Variants in KCNB2 observed in about 807,000 individuals in gnomAD.
KCNB2 encodes potassium voltage-gated channel subfamily B member 2.
Under a neutral mutation model 61.5 loss-of-function variants are expected in KCNB2, and 15 were observed. The observed-to-expected ratio is 0.24, with a 90% CI of 0.16 to 0.38. KCNB2 has a LOEUF of 0.38. Ranked by LOEUF, KCNB2 falls within the 10% of genes least tolerant of loss-of-function variation. The probability of loss-of-function intolerance (pLI) is 1.00; values close to 1 mark genes in which losing one functional copy is unlikely to be tolerated. For synonymous variants in KCNB2, 457 were observed against 446.0 expected (o/e 1.02, Z -0.31); for missense variants, 828 against 1,125.2 (o/e 0.74, Z 3.78).
At position 72,724,320 on chromosome 8, in the gene KCNB2, C is replaced by G. The variant is rs139838213; in HGVS notation, c.579+156007C>G. ...TTCAATGCCAGTTGTACAGCTATTC[C>G]TCCATTTAATGTGTGTCTTGGCTTA... is the stretch of plus-strand genomic sequence containing the variant. On this transcript the variant is annotated intron_variant, in intron 2 of 2. Coordinates refer to ENST00000523207, the MANE Select transcript of KCNB2 (RefSeq NM_004770.3). 4.8e-3 allele frequency among the ~76,000 whole-genome samples: 727 copies of G among 152,226 alleles called. 4 individuals carry two copies. The highest frequency in any genetic ancestry group is 0.017 in the African/African-American group (699 of 41,524).
intron 1 of KCNB2, among the ~76,000 whole-genome samples, chr8:72,550,967 G>A (rs1410249472): frequency 1.3e-5 from 2 of 152,124 alleles, no homozygotes; most frequent in Non-Finnish European, 2.9e-5. Flanking sequence ...TGCTGCTGGA[G>A]GGGACATAGA....
intron 1 of KCNB2, among the ~76,000 whole-genome samples, chr8:72,559,123 ATTTTG>A (rs1160075023): frequency 6.7e-6 from 1 of 150,104 alleles, no homozygotes; most frequent in Admixed American, 6.6e-5. Context: ...TCTTTATTTT[ATTTTG>A]TTTTATTTTA....
In KCNB2 at chr8:72,650,543, C is replaced by T. The variant is rs1008577753; in HGVS notation, c.579+82230C>T. ...AGAAGTTAAGTAACTTCCTCAAGAT[C>T]GTGTTCACAGCATTTATCAGAGCTA... is the stretch of plus-strand genomic sequence containing the variant. On this transcript the variant is annotated intron_variant, in intron 2 of 2. Transcript: ENST00000523207. 2.6e-5 allele frequency among the ~76,000 whole-genome samples: 4 copies of T among 152,140 alleles called. No homozygotes were observed. The East Asian group carries it at 5.8e-4, about 22-fold the overall frequency.
intron 1 of KCNB2, among the ~76,000 whole-genome samples, chr8:72,551,020 A>G (rs192033517): frequency 7.3e-4 from 111 of 152,254 alleles, no homozygotes; most frequent in African/African-American, 2.5e-3. Context: ...AGGGGCCTAC[A>G]CAGTTAAGAC....
At chr8:72,670,895 A>G (rs1806553096) in intron 2 of KCNB2, among the ~76,000 whole-genome samples, 1 of 152,142 alleles carries the variant, frequency 6.6e-6, no homozygotes, top group African/African-American at 2.4e-5. Flanking sequence ...AACAGCTGAG[A>G]TGTGTTACCT....
intron 2 of KCNB2, among the ~76,000 whole-genome samples, chr8:72,643,271 C>T (rs1281187125): frequency 6.6e-6 from 1 of 152,076 alleles, no homozygotes. Context: ...TGTGCCAGGC[C>T]CTGTGCTAGA....
intron 2 of KCNB2, among the ~76,000 whole-genome samples, chr8:72,764,166 T>C (rs1243581673): frequency 5.3e-5 from 8 of 152,138 alleles, no homozygotes; most frequent in Admixed American, 5.2e-4. Context: ...CGCAGTGCCC[T>C]GAGAGTTGGC....
At chr8:72,619,436 C>T in intron 2 of KCNB2, 1 of 328,420 alleles carries the variant, frequency 3.0e-6, no homozygotes, top group Non-Finnish European at 6.0e-6. Context: ...TTGTTGCATT[C>T]TAAAAGGTGG....
At chr8:72,662,990 G>GT (rs752319283) in intron 2 of KCNB2, among the ~76,000 whole-genome samples, 7 of 152,160 alleles carry the variant, frequency 4.6e-5, no homozygotes, top group Non-Finnish European at 8.8e-5. Context: ...AGTGGCAGGA[G>GT]TGCTGGGCCA....
Position 72,551,531 on chromosome 8 carries a change from C to G in KCNB2, c.-94+13646C>G, listed in dbSNP as rs140319181. Among the ~76,000 whole-genome samples, 118 of 152,180 alleles carry G rather than the reference C, an allele frequency of 7.8e-4. 1 individual carries two copies. The East Asian group carries it at 0.011, about 14-fold the overall frequency. ...GGGCTTTCTTGCTAGAAGGCCGTCT[C>G]GCATAGTTACTTGGGATGCTCTCTC... On this transcript the variant is annotated intron_variant, in intron 1 of 2. Coordinates refer to ENST00000523207, the MANE Select transcript of KCNB2 (RefSeq NM_004770.3).
chr8:72,832,309 G>C (rs1032125379), intron 2 of KCNB2, among the ~76,000 whole-genome samples: 2 of 152,070 alleles, frequency 1.3e-5, no homozygotes, highest in Non-Finnish European at 2.9e-5. Flanking sequence ...ATATGGTCAG[G>C]GTTATATTTT....
chr8:72,933,789 G>A (rs1212809805), intron 2 of KCNB2, among the ~76,000 whole-genome samples: 1 of 152,132 alleles, frequency 6.6e-6, no homozygotes, highest in Non-Finnish European at 1.5e-5. Flanking sequence ...CTTCTCAAGG[G>A]AGTTTCTAAC....
intron 2 of KCNB2, among the ~76,000 whole-genome samples, chr8:72,897,273 A>AT (rs1326494090): frequency 6.8e-5 from 9 of 133,214 alleles, no homozygotes; most frequent in Admixed American, 3.6e-4. Flanking sequence ...TCAAGTGAAA[A>AT]TAAAAAAATT....
intron 2 of KCNB2, among the ~76,000 whole-genome samples, chr8:72,862,147 G>C (rs1254767913): frequency 6.6e-6 from 1 of 152,082 alleles, no homozygotes; most frequent in African/African-American, 2.4e-5. Flanking sequence ...CAAACAAAAA[G>C]AGTTGTTACC....
intron 2 of KCNB2, among the ~76,000 whole-genome samples, chr8:72,883,132 T>C (rs1223384487): frequency 6.6e-6 from 1 of 152,188 alleles, no homozygotes; most frequent in Non-Finnish European, 1.5e-5. Flanking sequence ...GCCAGATGGT[T>C]GAGAACATGG....
chr8:72,921,755 C>T (rs1214154248), intron 2 of KCNB2, among the ~76,000 whole-genome samples: 2 of 152,184 alleles, frequency 1.3e-5, no homozygotes, highest in African/African-American at 4.8e-5. Flanking sequence ...GTTTAGAATG[C>T]AGGTGTTAAT....
At chr8:72,894,992 T>C in intron 2 of KCNB2, among the ~76,000 whole-genome samples, 1 of 152,148 alleles carries the variant, frequency 6.6e-6, no homozygotes, top group East Asian at 1.9e-4. Flanking sequence ...TAAATATTCC[T>C]GTGATCCACT....
At chr8:72,617,963 G>T (rs1805647988) in intron 2 of KCNB2, among the ~76,000 whole-genome samples, 1 of 152,154 alleles carries the variant, frequency 6.6e-6, no homozygotes, top group Non-Finnish European at 1.5e-5. Flanking sequence ...CGACTTCAGG[G>T]CTCACAGCAT....
intron 2 of KCNB2, among the ~76,000 whole-genome samples, chr8:72,694,693 T>G (rs1806989865): frequency 6.6e-6 from 1 of 152,068 alleles, no homozygotes; most frequent in African/African-American, 2.4e-5. Flanking sequence ...TGTATTACCT[T>G]TATTATCAAT....
Sources: gnomAD v4.1 joint callset for allele counts (sites outside exome capture counted in the v4.1 genomes callset) on GRCh38, gnomAD v4.1.1 for gene constraint, MANE v1.5 for transcripts, NCBI Gene and HGNC (gene_info 2026-07-23, HGNC 2026-07-21) for gene names.